The following SYNPO2 variants were observed in gnomAD, a reference collection of about 807,000 sequenced individuals.
SYNPO2 encodes the protein synaptopodin-2.
SYNPO2 carries 56 observed loss-of-function variants against 85.0 expected under a neutral mutation model. The observed-to-expected ratio is 0.66, with a 90% CI of 0.53 to 0.82. The LOEUF (loss-of-function observed/expected upper bound fraction) is 0.82, where lower values mean the gene tolerates loss of function less well. SYNPO2 is among the 40% of genes least tolerant of loss of function. The pLI is 0.00. For missense variants in SYNPO2, 1,575 were observed against 1,534.2 expected, an observed-to-expected ratio of 1.03 and a Z score of -0.44; for synonymous variants, 602 against 591.1, an observed-to-expected ratio of 1.02 and a Z score of -0.27.
Position 119,026,692 on chromosome 4 carries a change from C to T in SYNPO2, c.323C>T (p.Thr108Ile). The change falls in exon 3 of 5, where the codon ACA becomes ATA. Residue 108 changes from threonine (T) to isoleucine (I), a missense_variant. Physicochemically the swap from Thr to Ile is moderately conservative, Grantham distance 89. Around this residue, in one of 3 missense-constraint regions of SYNPO2, gnomAD observed 1,508 missense variants for 1,446.8 expected, o/e 1.04. Coordinates refer to ENST00000307142, the MANE Select transcript of SYNPO2 (RefSeq NM_133477.3). ...ENENKNLEHL[T>I]HGGYVESTTL... ...GAAAACAAAAACCTCGAGCATCTCA[C>T]ACATGGGGGTTATGTGGAAAGTACC... The T allele has an allele frequency of 6.2e-7, 1 of 1,613,978 alleles. No individual in the cohort carries two copies. Among genetic ancestry groups the T allele is most frequent in the Non-Finnish European group, 8.5e-7 (1 of 1,179,956 alleles).
chr4:118,967,872 A>G (rs1447259082), intron 1 of SYNPO2, among the ~76,000 whole-genome samples: 1 of 151,876 alleles, frequency 6.6e-6, no homozygotes, highest in East Asian at 1.9e-4. Flanking sequence ...AAAAAAAAAA[A>G]AAAAGTCAAC....
At chr4:119,051,209 A>G (rs1207932177) in intron 4 of SYNPO2, among the ~76,000 whole-genome samples, 1 of 3,028 alleles carries the variant, frequency 3.3e-4, no homozygotes, top group African/African-American at 8.0e-4. Context: ...TTTTTTTTTG[A>G]GACGGAGTCT....
intron 1 of SYNPO2, among the ~76,000 whole-genome samples, chr4:118,984,951 A>G (rs1415047543): frequency 1.3e-5 from 2 of 152,094 alleles, no homozygotes; most frequent in African/African-American, 4.8e-5. Flanking sequence ...GTCATTTACT[A>G]TTGTTTGTCA....
At chr4:119,022,779 AT>A (rs939165499) in intron 1 of SYNPO2, among the ~76,000 whole-genome samples, 14 of 96,514 alleles carry the variant, frequency 1.5e-4, no homozygotes, top group African/African-American at 5.9e-4. Context: ...ATTTTATTTT[AT>A]TTTATTTTAT....
At chr4:119,042,136 C>A (rs1332360593) in intron 4 of SYNPO2, 1 of 152,164 alleles carries the variant, frequency 6.6e-6, no homozygotes, top group African/African-American at 2.4e-5. Context: ...TTATTTCAAA[C>A]GTCCAGGAGA....
At chr4:119,000,012 G>A (rs957469109) in intron 1 of SYNPO2, among the ~76,000 whole-genome samples, 5 of 152,092 alleles carry the variant, frequency 3.3e-5, no homozygotes, top group African/African-American at 1.2e-4. Flanking sequence ...CCTGACCATG[G>A]GTTTATCTGG....
intron 1 of SYNPO2, among the ~76,000 whole-genome samples, chr4:118,974,048 T>A (rs955070769): frequency 1.3e-4 from 20 of 152,354 alleles, no homozygotes; most frequent in African/African-American, 4.6e-4. Context: ...GGTCATATGA[T>A]TTTAATTTTT....
intron 1 of SYNPO2, among the ~76,000 whole-genome samples, chr4:118,858,967 G>A (rs1731559692): frequency 6.6e-6 from 1 of 152,196 alleles, no homozygotes; most frequent in Admixed American, 6.5e-5. Flanking sequence ...AAGTAGTGGA[G>A]GCGTTATCTA....
intron 1 of SYNPO2, among the ~76,000 whole-genome samples, chr4:118,956,530 C>T (rs980513915): frequency 2.6e-5 from 4 of 152,068 alleles, no homozygotes; most frequent in Admixed American, 6.5e-5. Flanking sequence ...AAATTATTTC[C>T]TATTGGGTAA....
chr4:118,879,006 A>G (rs1249952550), intron 1 of SYNPO2, among the ~76,000 whole-genome samples: 1 of 152,190 alleles, frequency 6.6e-6, no homozygotes, highest in Non-Finnish European at 1.5e-5. Flanking sequence ...GAAGTCAGCG[A>G]GACCATGAAC....
chr4:118,891,896 G>C (rs941327157), intron 1 of SYNPO2, among the ~76,000 whole-genome samples: 1 of 152,154 alleles, frequency 6.6e-6, no homozygotes, highest in African/African-American at 2.4e-5. Flanking sequence ...CTTAAAATGG[G>C]AATGCTACAA....
chr4:118,911,400 C>G (rs186204423), intron 1 of SYNPO2, among the ~76,000 whole-genome samples: 1 of 152,260 alleles, frequency 6.6e-6, no homozygotes, highest in Admixed American at 6.5e-5. Flanking sequence ...TCCAGATGTA[C>G]GTCTGAGATT....
chr4:118,912,292 C>A (rs1351000131), intron 1 of SYNPO2, among the ~76,000 whole-genome samples: 2 of 152,128 alleles, frequency 1.3e-5, no homozygotes, highest in African/African-American at 2.4e-5. Flanking sequence ...ATGAGCTTCC[C>A]ATTTCAGCCT....
intron 1 of SYNPO2, among the ~76,000 whole-genome samples, chr4:118,950,576 GC>G (rs1734663792): frequency 1.3e-5 from 2 of 152,192 alleles, no homozygotes; most frequent in South Asian, 4.1e-4. Flanking sequence ...GGTACCTGGT[GC>G]TAGGGTGACT....
chr4:119,049,141 A>G (rs531013458), intron 4 of SYNPO2, among the ~76,000 whole-genome samples: 8 of 152,134 alleles, frequency 5.3e-5, no homozygotes, highest in Non-Finnish European at 1.0e-4. Context: ...TCAGGTGTGG[A>G]GTGTGAGATG....
chr4:118,883,479 A>G (rs925265802), intron 1 of SYNPO2, among the ~76,000 whole-genome samples: 3 of 152,212 alleles, frequency 2.0e-5, no homozygotes, highest in African/African-American at 7.2e-5. Context: ...CTCTCAGTTC[A>G]TGTTAGGCCC....
chr4:118,926,277 A>C (rs1733708148), intron 1 of SYNPO2, among the ~76,000 whole-genome samples: 1 of 152,168 alleles, frequency 6.6e-6, no homozygotes, highest in African/African-American at 2.4e-5. Context: ...TATTCAAAGC[A>C]TTAGCAAAAA....
chr4:118,910,011 A>AT (rs1328565060), intron 1 of SYNPO2, among the ~76,000 whole-genome samples: 1 of 152,068 alleles, frequency 6.6e-6, no homozygotes. Flanking sequence ...CTTCCCCATT[A>AT]TTTTTTGTTT....
chr4:119,040,241 A>G (rs1409365747), intron 4 of SYNPO2, among the ~76,000 whole-genome samples: 3 of 152,234 alleles, frequency 2.0e-5, no homozygotes, highest in South Asian at 2.1e-4. Context: ...ACAATTAAAC[A>G]AGTTCTTTTG....
Sources: allele counts gnomAD v4.1 joint callset (sites outside exome capture counted in the v4.1 genomes callset), GRCh38; gene constraint gnomAD v4.1.1; regional missense constraint gnomAD v4.1.1; transcripts MANE v1.5; gene names NCBI Gene and HGNC (gene_info 2026-07-23, HGNC 2026-07-21).